Variants in PMVK observed in about 807,000 individuals in gnomAD.
PMVK encodes testis tissue sperm-binding protein Li 95mP.
Under a neutral mutation model 19.0 loss-of-function variants are expected in PMVK, and 10 were observed. The observed-to-expected ratio is 0.53, with a 90% CI of 0.32 to 0.89. The LOEUF (loss-of-function observed/expected upper bound fraction) is 0.89, where lower values mean the gene tolerates loss of function less well. Among genes scored for constraint, PMVK ranks in the 40% least tolerant of loss-of-function variants. The probability of loss-of-function intolerance (pLI) is 0.03; values close to 1 mark genes in which losing one functional copy is unlikely to be tolerated. For synonymous variants in PMVK, 108 were observed against 101.6 expected, an observed-to-expected ratio of 1.06 and a Z score of -0.38; for missense variants, 222 against 251.1, an observed-to-expected ratio of 0.88 and a Z score of 0.78.
chr1:154,937,260 C>T (rs1454259372), upstream of PMVK: 1 of 153,696 alleles, frequency 6.5e-6, no homozygotes, highest in East Asian at 1.9e-4. Flanking sequence ...GGGCGTAAGG[C>T]AGCCCTGACG....
chr1:154,925,006 C>G lies in PMVK; in HGVS notation c.*123G>C. The G allele has an allele frequency of 3.2e-6, 3 of 925,062 alleles. No homozygotes were observed. In the South Asian group the frequency reaches 4.5e-5, roughly 14 times the overall value. 57.3% of individuals were successfully genotyped at this position (925,062 alleles called of 1,614,324 possible). A position where few individuals can be genotyped will look rare whatever the true frequency, so the allele number is the denominator to read the frequency against. On this transcript the variant is annotated 3_prime_UTR_variant, in exon 5 of 5. Transcript: ENST00000368467. The stretch of plus-strand genomic sequence containing the variant: ...GCCTTGCCCAATATCCACCAACCCC[C>G]TCAGAATCTAGACCCCCCCTGTCTG...
rs1654516244 is a variant in PMVK at position 154,936,662 on chromosome 1, C to A, written c.24G>T (p.Pro8=). The A allele has an allele frequency of 3.1e-6, 5 of 1,608,122 alleles. No individual in the cohort carries two copies. The highest frequency in any genetic ancestry group is 2.2e-5 in the South Asian group (2 of 89,934). The part of the protein sequence containing the change: MAPLGGA[P]RLVLLFSGKR... ...TGCCGCTGAACAGCAGTACCAGCCGCGGGGCGCCTCCCAGCGGGGCCATGG... is the reference window on the plus strand; with the variant it reads ...TGCCGCTGAACAGCAGTACCAGCCGAGGGGCGCCTCCCAGCGGGGCCATGG... The change falls in exon 1 of 5, where the codon CCG becomes CCT. Residue 8 remains proline (P), a synonymous_variant. Coordinates refer to ENST00000368467, the MANE Select transcript of PMVK (RefSeq NM_006556.4).
At chr1:154,933,686 G>T (rs1163330770) in intron 1 of PMVK, among the ~76,000 whole-genome samples, 1 of 151,442 alleles carries the variant, frequency 6.6e-6, no homozygotes, top group Non-Finnish European at 1.5e-5. Flanking sequence ...TACAGACGGG[G>T]TTTTGCCATG....
At chr1:154,939,541 A>AC (rs200223976), upstream of PMVK, among the ~76,000 whole-genome samples, 334 of 150,198 alleles carry the variant, frequency 2.2e-3, no homozygotes, top group South Asian at 0.012. Context: ...AAAAAAAAAA[A>AC]ACAAAACAGC....
rs750064679 is a variant in PMVK, at chr1:154,925,241, C to T, written c.467G>A (p.Cys156Tyr). The change falls in exon 5 of 5, where the codon TGT (cysteine) becomes TAT (tyrosine). Residue 156 changes from cysteine (C) to tyrosine (Y), a missense_variant. Coordinates refer to ENST00000368467, the MANE Select transcript of PMVK (RefSeq NM_006556.4). Reference protein sequence around the residue: ...TPGVDDAESECGLDNFGDFDW... With the variant: ...TPGVDDAESEYGLDNFGDFDW... ...AAAGTCCCCGAAGTTGTCCAGGCCA[C>T]ATTCTGACTCAGCATCGTCCACCCC... 3.7e-6 allele frequency: 6 copies of T among 1,614,040 alleles called. No individual in the cohort carries two copies. The East Asian group carries it at 1.3e-4, about 36-fold the overall frequency.
rs1571387078 is a variant in PMVK at position 154,936,668 on chromosome 1, G to C, written c.18C>G (p.Gly6=). The change falls in exon 1 of 5, where the codon GGC becomes GGG. Residue 6 remains glycine (G), a synonymous_variant. Transcript: ENST00000368467. The part of the protein sequence containing the change: MAPLG[G]APRLVLLFSG... The stretch of plus-strand genomic sequence containing the variant: ...TGAACAGCAGTACCAGCCGCGGGGC[G>C]CCTCCCAGCGGGGCCATGGGGCCGC... The C allele has an allele frequency of 1.2e-6, 2 of 1,607,172 alleles. No homozygotes were observed. The highest frequency in any genetic ancestry group is 2.7e-5 in the African/African-American group (2 of 74,872).
Position 154,924,816 on chromosome 1 carries a change from C to A in PMVK, c.*313G>T. The A allele has an allele frequency of 2.8e-6, 1 of 353,190 alleles. No individual in the cohort carries two copies. The highest frequency in any genetic ancestry group is 5.4e-6 in the Non-Finnish European group (1 of 186,630). The allele number at this position is 353,190 out of a possible 1,614,324, so 21.9% of individuals were successfully genotyped here. ...CCCAGAACAAGGGGCTGAGAACATCCAGTCAGGATGCAAGGCCACCACAGG... is the reference window on the plus strand; with the variant it reads ...CCCAGAACAAGGGGCTGAGAACATCAAGTCAGGATGCAAGGCCACCACAGG... On this transcript the variant is annotated 3_prime_UTR_variant, in exon 5 of 5. Transcript: ENST00000368467.
Position 154,936,713 on chromosome 1 carries a change from A to G in PMVK, c.-28T>C. ...GGCCGCCACGCCTCGCGATGCCTGA[A>G]GCTGACACTTCTCCCTACCCCTAAA... is the stretch of plus-strand genomic sequence containing the variant. On this transcript the variant is annotated 5_prime_UTR_variant, in exon 1 of 5. Coordinates refer to ENST00000368467, the MANE Select transcript of PMVK (RefSeq NM_006556.4). 1 of 1,562,870 alleles carries G rather than the reference A, an allele frequency of 6.4e-7. No individual in the cohort carries two copies.
intron 3 of PMVK, 62 bp downstream of exon 3, chr1:154,928,962 G>A: frequency 6.6e-7 from 1 of 1,513,364 alleles, no homozygotes; most frequent in Non-Finnish European, 9.2e-7. Context: ...GACAGAGAGA[G>A]ATGGACACAG....
intron 1 of PMVK, among the ~76,000 whole-genome samples, chr1:154,934,880 T>C (rs1348544701): frequency 1.3e-5 from 2 of 151,474 alleles, no homozygotes; most frequent in African/African-American, 2.4e-5. Context: ...CTGGCCAACA[T>C]GGTGAAACCT....
intron 1 of PMVK, 68 bp downstream of exon 1, chr1:154,936,523 C>A: frequency 6.5e-7 from 1 of 1,545,430 alleles, no homozygotes; most frequent in Non-Finnish European, 8.8e-7. Context: ...TCCGTGACAC[C>A]CAAAAGCACT....
In PMVK at chr1:154,925,086, C is replaced by CCCCCACCACAGCACG; in HGVS notation, c.*42_*43insCGTGCTGTGGTGGGG. 1 of 1,406,676 alleles carries CCCCCACCACAGCACG rather than the reference C, an allele frequency of 7.1e-7. No individual in the cohort carries two copies. The highest frequency in any genetic ancestry group is 9.8e-7 in the Non-Finnish European group (1 of 1,022,998). 87.1% of individuals were successfully genotyped at this position (1,406,676 alleles called of 1,614,324 possible). A position where few individuals can be genotyped will look rare whatever the true frequency, so the allele number is the denominator to read the frequency against. On this transcript the variant is annotated 3_prime_UTR_variant, in exon 5 of 5. Coordinates refer to ENST00000368467, the MANE Select transcript of PMVK (RefSeq NM_006556.4). Reference sequence around the variant, plus strand: ...CCCCCATTTTGCAGAGTCAGCCCCACCCCCACCTCAGCAGGCCCCAGCTCA... The same window carrying CCCCCACCACAGCACG: ...CCCCCATTTTGCAGAGTCAGCCCCACCCCCACCACAGCACGCCCCACCTCAGCAGGCCCCAGCTCA...
At position 154,925,080 on chromosome 1, in the gene PMVK, G is replaced by GCCCCCCCCCCCCCCCCCCCC; in HGVS notation, c.*48_*49insGGGGGGGGGGGGGGGGGGGG. The stretch of plus-strand genomic sequence containing the variant: ...GGGACACCCCCATTTTGCAGAGTCA[G>GCCCCCCCCCCCCCCCCCCCC]CCCCACCCCCACCTCAGCAGGCCCC... On this transcript the variant is annotated 3_prime_UTR_variant, in exon 5 of 5. Coordinates refer to ENST00000368467, the MANE Select transcript of PMVK (RefSeq NM_006556.4). The GCCCCCCCCCCCCCCCCCCCC allele has an allele frequency of 6.9e-7, 1 of 1,459,210 alleles. No individual in the cohort carries two copies. Among genetic ancestry groups the GCCCCCCCCCCCCCCCCCCCC allele is most frequent in the Non-Finnish European group, 9.3e-7 (1 of 1,076,452 alleles). The allele number at this position is 1,459,210 out of a possible 1,614,324, so 90.4% of individuals were successfully genotyped here.
At chr1:154,926,264 C>G in intron 4 of PMVK, 90 bp downstream of exon 4, 1 of 1,244,850 alleles carries the variant, frequency 8.0e-7, no homozygotes, top group Non-Finnish European at 1.1e-6. Context: ...CTTTATCATC[C>G]CTTATTCACT....
upstream of PMVK, among the ~76,000 whole-genome samples, chr1:154,937,147 T>A (rs921683137): frequency 3.9e-5 from 6 of 152,164 alleles, no homozygotes; most frequent in African/African-American, 1.4e-4. Flanking sequence ...TGGAGTGAGA[T>A]CACGTTGGAG....
At chr1:154,935,513 GA>G (rs1344227202) in intron 1 of PMVK, among the ~76,000 whole-genome samples, 1 of 152,184 alleles carries the variant, frequency 6.6e-6, no homozygotes, top group African/African-American at 2.4e-5. Flanking sequence ...AGATAAAACA[GA>G]AAGAAACCAG....
chr1:154,929,174 C>T lies in PMVK; in HGVS notation c.162G>A (p.Glu54=), dbSNP rs1442402823. 3 of 1,613,914 alleles carry T rather than the reference C, an allele frequency of 1.9e-6. No homozygotes were observed. Among genetic ancestry groups the T allele is most frequent in the South Asian group, 2.2e-5 (2 of 91,092 alleles). ...GGAGTCTCTGGAAGTTCAAGCCATG[C>T]TCCTGCCCAAAGGACATTATGTCTA... The part of the protein sequence containing the change: ...SGPLKEQYAQ[E]HGLNFQRLLD... The change falls in exon 3 of 5, where the codon GAG becomes GAA. Residue 54 remains glutamate, a splice_region_variant and synonymous_variant. Coordinates refer to ENST00000368467, the MANE Select transcript of PMVK (RefSeq NM_006556.4).
At chr1:154,931,918 G>C (rs1285958900) in intron 2 of PMVK, among the ~76,000 whole-genome samples, 2 of 152,036 alleles carry the variant, frequency 1.3e-5, no homozygotes, top group Non-Finnish European at 2.9e-5. Flanking sequence ...CTAACTCCTG[G>C]ACTCAAGCAA....
chr1:154,933,270 C>T (rs1046316419), intron 1 of PMVK, among the ~76,000 whole-genome samples: 2 of 151,772 alleles, frequency 1.3e-5, no homozygotes, highest in African/African-American at 4.8e-5. Context: ...CCTGTCTCTA[C>T]TAAAAGCATA....
Sources: gnomAD v4.1 joint callset for allele counts (sites outside exome capture counted in the v4.1 genomes callset) on GRCh38, gnomAD v4.1.1 for gene constraint, MANE v1.5 for transcripts, NCBI Gene and HGNC (gene_info 2026-07-23, HGNC 2026-07-21) for gene names.